PKIB: variants seen among roughly 807,000 people sequenced by gnomAD.
PKIB encodes the protein PKI-beta.
PKIB carries 2 observed loss-of-function variants against 4.5 expected under a neutral mutation model. The ratio of observed to expected loss-of-function variants is 0.44; its 90% CI spans 0.18 to 1.39. PKIB has a LOEUF of 1.39. Among genes scored for constraint, PKIB ranks in the 40% most tolerant of loss-of-function variants. The pLI, the probability that PKIB is intolerant of heterozygous loss-of-function variation, is 0.27. For synonymous variants in PKIB, 38 were observed against 36.0 expected, an observed-to-expected ratio of 1.06 and a Z score of -0.20; for missense variants, 94 against 92.6, an observed-to-expected ratio of 1.02 and a Z score of -0.06.
chr6:122,620,883 T>TTCTGCATAAACTACTTCAAGATTTGCTTA (rs1775199980), intron 1 of PKIB, among the ~76,000 whole-genome samples: 1 of 152,214 alleles, frequency 6.6e-6, no homozygotes, highest in Non-Finnish European at 1.5e-5. Flanking sequence ...CAGCAAAGAT[T>TTCTGCATAAACTACTTCAAGATTTGCTTA]TCTGCATAAA....
chr6:122,556,236 C>T (rs1314730510), intron 2 of PKIB, among the ~76,000 whole-genome samples: 3 of 152,172 alleles, frequency 2.0e-5, no homozygotes, highest in African/African-American at 7.2e-5. Context: ...TCTTCCCCTT[C>T]CACCATAATT....
chr6:122,601,160 T>C (rs974617184), intron 3 of PKIB, among the ~76,000 whole-genome samples: 2 of 151,832 alleles, frequency 1.3e-5, no homozygotes, highest in African/African-American at 2.4e-5. Context: ...AGGACATTAA[T>C]GATCTGTGGG....
At chr6:122,649,126 T>C (rs1289131707) in intron 2 of PKIB, among the ~76,000 whole-genome samples, 1 of 152,258 alleles carries the variant, frequency 6.6e-6, no homozygotes, top group African/African-American at 2.4e-5. Flanking sequence ...TCTATGTCCA[T>C]TTAGAGAGGT....
intron 3 of PKIB, among the ~76,000 whole-genome samples, chr6:122,689,100 G>A (rs988153077): frequency 6.6e-6 from 1 of 151,894 alleles, no homozygotes; most frequent in South Asian, 2.1e-4. Context: ...AATTTCTCTG[G>A]TATTGGTTGT....
intron 3 of PKIB, among the ~76,000 whole-genome samples, chr6:122,594,691 G>A (rs974399830): frequency 7.2e-5 from 11 of 152,112 alleles, no homozygotes; most frequent in Non-Finnish European, 1.2e-4. Flanking sequence ...TCAACAGGTC[G>A]TGGTTTTTTT....
At chr6:122,658,877 C>T (rs1582784577) in intron 2 of PKIB, among the ~76,000 whole-genome samples, 1 of 76,072 alleles carries the variant, frequency 1.3e-5, no homozygotes. Context: ...TGAGTACCTA[C>T]TTACCATCTG....
chr6:122,698,184 A>G (rs1778650234), intron 3 of PKIB, among the ~76,000 whole-genome samples: 1 of 152,074 alleles, frequency 6.6e-6, no homozygotes, highest in Admixed American at 6.6e-5. Flanking sequence ...TCATTGGTAA[A>G]ATGTATGGCC....
intron 2 of PKIB, among the ~76,000 whole-genome samples, chr6:122,486,563 A>G (rs1775772929): frequency 6.6e-6 from 1 of 151,526 alleles, no homozygotes; most frequent in Non-Finnish European, 1.5e-5. Context: ...CATTTCTCAT[A>G]TTAGTTTTTT....
In PKIB at chr6:122,488,626, G is replaced by A. The variant is rs541829399; in HGVS notation, c.-248+10687G>A. Among the ~76,000 whole-genome samples, 10 of 152,138 alleles carry A rather than the reference G, an allele frequency of 6.6e-5. No homozygotes were observed. In the South Asian group the frequency reaches 2.1e-3, roughly 32 times the overall value. On this transcript the variant is annotated intron_variant, in intron 2 of 6. Coordinates refer to the PKIB transcript ENST00000392491. ...TGTATTTTTTTTTTGTAGAAATGGGGTTTTGCCATGTTGCCCAGGCTGTTC... is the reference window on the plus strand; with the variant it reads ...TGTATTTTTTTTTTGTAGAAATGGGATTTTGCCATGTTGCCCAGGCTGTTC...
At chr6:122,671,437 C>T (rs1330479638) in intron 2 of PKIB, among the ~76,000 whole-genome samples, 2 of 152,162 alleles carry the variant, frequency 1.3e-5, no homozygotes, top group Non-Finnish European at 2.9e-5. Flanking sequence ...AGCAACCTCA[C>T]CTGATCCCCA....
intron 1 of PKIB, 144 bp downstream of exon 1, chr6:122,610,679 G>C (rs1413580034): frequency 6.6e-6 from 1 of 152,362 alleles, no homozygotes; most frequent in Non-Finnish European, 1.5e-5. Flanking sequence ...GCACAAATAT[G>C]GGGGGAGTTC....
intron 2 of PKIB, among the ~76,000 whole-genome samples, chr6:122,555,277 C>T (rs1012718077): frequency 6.6e-6 from 1 of 152,060 alleles, no homozygotes; most frequent in African/African-American, 2.4e-5. Flanking sequence ...GCAGAAGGAC[C>T]AAGATGTACA....
Position 122,562,003 on chromosome 6 carries a change from T to G in PKIB, c.-247-23918T>G, listed in dbSNP as rs868194311. 1.4e-3 allele frequency among the ~76,000 whole-genome samples: 184 copies of G among 128,172 alleles called. 6 individuals are homozygous for G. The South Asian group carries it at 0.024, about 17-fold the overall frequency. The allele number at this position is 128,172 out of a possible 152,430, so 84.1% of individuals were successfully genotyped here. A position where few individuals can be genotyped will look rare whatever the true frequency, so the allele number is the denominator to read the frequency against. ...TTTTTTGTTTGTTTTTGTTTTTTTTTGTTTTTTTTTTTTTTTGCTTTTTAA... is the reference window on the plus strand; with the variant it reads ...TTTTTTGTTTGTTTTTGTTTTTTTTGGTTTTTTTTTTTTTTTGCTTTTTAA... On this transcript the variant is annotated intron_variant, in intron 2 of 6. Transcript: ENST00000392491.
intron 2 of PKIB, among the ~76,000 whole-genome samples, chr6:122,527,863 A>G (rs200454113): frequency 6.6e-6 from 1 of 152,176 alleles, no homozygotes; most frequent in East Asian, 1.9e-4. Context: ...ATATTTGTGA[A>G]GCAAAATAAA....
intron 2 of PKIB, among the ~76,000 whole-genome samples, chr6:122,515,595 G>T (rs1024359382): frequency 2.3e-4 from 35 of 152,314 alleles, no homozygotes; most frequent in Admixed American, 1.5e-3. Flanking sequence ...AGATAAGACA[G>T]ATTAGCAGGT....
At chr6:122,683,283 A>C (rs1777971850) in intron 3 of PKIB, among the ~76,000 whole-genome samples, 3 of 152,118 alleles carry the variant, frequency 2.0e-5, no homozygotes, top group Admixed American at 2.0e-4. Context: ...TGGCTTCTAA[A>C]GAGGCCTCAG....
At chr6:122,694,198 C>G (rs1018674406) in intron 3 of PKIB, among the ~76,000 whole-genome samples, 14 of 152,080 alleles carry the variant, frequency 9.2e-5, no homozygotes, top group Admixed American at 6.6e-5. Flanking sequence ...AACCTTTACT[C>G]CAATTCATTA....
At chr6:122,621,544 C>A (rs201407344) in intron 1 of PKIB, among the ~76,000 whole-genome samples, 2 of 152,228 alleles carry the variant, frequency 1.3e-5, no homozygotes, top group South Asian at 4.1e-4. Flanking sequence ...AGAGGTGATG[C>A]TATTGTTAGA....
intron 2 of PKIB, among the ~76,000 whole-genome samples, chr6:122,669,382 G>T (rs1274662161): frequency 6.6e-6 from 1 of 151,996 alleles, no homozygotes; most frequent in African/African-American, 2.4e-5. Context: ...CTTTAAATTT[G>T]TTTGTCAGCT....
Sources: allele counts gnomAD v4.1 joint callset (sites outside exome capture counted in the v4.1 genomes callset), GRCh38; gene constraint gnomAD v4.1.1; transcripts MANE v1.5; gene names NCBI Gene and HGNC (gene_info 2026-07-23, HGNC 2026-07-21).